Variants in EPHA3 observed in about 807,000 individuals in gnomAD.
EPHA3 encodes EPH receptor A3, also known as ephrin type-A receptor 3.
A neutral mutation model predicts 107.1 loss-of-function variants in EPHA3; 42 were observed. The observed-to-expected ratio is 0.39, with a 90% CI of 0.31 to 0.51. EPHA3 has a LOEUF of 0.51. EPHA3 is among the 20% of genes least tolerant of loss of function. The pLI, the probability that EPHA3 is intolerant of heterozygous loss-of-function variation, is 0.78. For synonymous variants in EPHA3, 461 were observed against 424.8 expected, an observed-to-expected ratio of 1.09 and a Z score of -1.05; for missense variants, 1,183 against 1,211.2, an observed-to-expected ratio of 0.98 and a Z score of 0.35.
At chr3:89,420,743 G>A (rs1709337392) in intron 11 of EPHA3, among the ~76,000 whole-genome samples, 1 of 151,240 alleles carries the variant, frequency 6.6e-6, no homozygotes, top group African/African-American at 2.4e-5. Context: ...GCCATTTAAT[G>A]TTCTCCATTA....
Position 89,438,776 on chromosome 3 carries a change from A to G in EPHA3, c.2346+7417A>G, listed in dbSNP as rs754283090. ...GCCTCCCCTTATGATCAATATGAAT[A>G]TGCCTGCATGTAGCATCAGAAAATA... On this transcript the variant is annotated intron_variant, in intron 13 of 16. Coordinates refer to ENST00000336596, the MANE Select transcript of EPHA3 (RefSeq NM_005233.6). 3.5e-4 allele frequency among the ~76,000 whole-genome samples: 54 copies of G among 152,356 alleles called. 1 individual carries two copies. Among genetic ancestry groups the G allele is most frequent in the South Asian group, 1.0e-3 (5 of 4,834 alleles).
At chr3:89,273,149 A>T (rs1705720174) in intron 3 of EPHA3, among the ~76,000 whole-genome samples, 1 of 151,926 alleles carries the variant, frequency 6.6e-6, no homozygotes, top group Non-Finnish European at 1.5e-5. Flanking sequence ...TTGATTTCTT[A>T]TTCCAACTGC....
chr3:89,437,874 G>A (rs1042423282), intron 13 of EPHA3, among the ~76,000 whole-genome samples: 10 of 152,212 alleles, frequency 6.6e-5, no homozygotes, highest in Non-Finnish European at 1.0e-4. Context: ...GAGTTGGAAA[G>A]TTTGAGAAAA....
At chr3:89,147,603 C>T (rs552684327) in intron 2 of EPHA3, among the ~76,000 whole-genome samples, 35 of 151,846 alleles carry the variant, frequency 2.3e-4, no homozygotes, top group East Asian at 9.8e-4. Flanking sequence ...TTCAATTGAC[C>T]GCAATCAGTT....
intron 3 of EPHA3, among the ~76,000 whole-genome samples, chr3:89,292,119 T>C (rs1301826316): frequency 4.6e-5 from 7 of 152,102 alleles, no homozygotes; most frequent in Non-Finnish European, 7.4e-5. Context: ...AAGATAAAGA[T>C]CATTTTACTG....
intron 3 of EPHA3, among the ~76,000 whole-genome samples, chr3:89,252,395 T>C (rs1293869192): frequency 6.6e-6 from 1 of 152,166 alleles, no homozygotes; most frequent in Non-Finnish European, 1.5e-5. Context: ...ATAGATTTGG[T>C]ATAAAAACAA....
intron 3 of EPHA3, among the ~76,000 whole-genome samples, chr3:89,304,243 A>T (rs1411027285): frequency 2.6e-5 from 4 of 152,018 alleles, no homozygotes; most frequent in African/African-American, 9.7e-5. Flanking sequence ...GTCCAGTATG[A>T]ACTGTATTTC....
chr3:89,242,650 G>A (rs1164662878), intron 3 of EPHA3, among the ~76,000 whole-genome samples: 1 of 152,044 alleles, frequency 6.6e-6, no homozygotes, highest in African/African-American at 2.4e-5. Context: ...TGTTAGCCAG[G>A]ATGGTCTCGA....
intron 3 of EPHA3, among the ~76,000 whole-genome samples, chr3:89,314,110 T>C (rs1467689109): frequency 6.6e-6 from 1 of 152,050 alleles, no homozygotes; most frequent in African/African-American, 2.4e-5. Context: ...GCTGCTATCA[T>C]GGAATTTTTC....
chr3:89,449,709 A>G (rs1406361755), intron 14 of EPHA3, among the ~76,000 whole-genome samples: 1 of 152,192 alleles, frequency 6.6e-6, no homozygotes, highest in African/African-American at 2.4e-5. Context: ...AAAAGTACTA[A>G]TGAACTAATA....
At chr3:89,389,492 A>G (rs1708683850) in intron 5 of EPHA3, among the ~76,000 whole-genome samples, 1 of 152,212 alleles carries the variant, frequency 6.6e-6, no homozygotes, top group African/African-American at 2.4e-5. Context: ...AACTTGTCCA[A>G]TCTCTAAATC....
At chr3:89,453,337 G>T (rs891959443) in intron 15 of EPHA3, among the ~76,000 whole-genome samples, 8 of 152,100 alleles carry the variant, frequency 5.3e-5, no homozygotes, top group African/African-American at 1.9e-4. Flanking sequence ...CTTACTATCA[G>T]ATCATAATAT....
chr3:89,384,752 A>T (rs1163115374), intron 5 of EPHA3, among the ~76,000 whole-genome samples: 1 of 152,204 alleles, frequency 6.6e-6, no homozygotes, highest in African/African-American at 2.4e-5. Context: ...GCTTCATATG[A>T]TATATGTAAA....
chr3:89,289,259 A>G (rs1706158810), intron 3 of EPHA3, among the ~76,000 whole-genome samples: 1 of 152,102 alleles, frequency 6.6e-6, no homozygotes, highest in Non-Finnish European at 1.5e-5. Context: ...CAGCTAGCAG[A>G]GAGAAGCTGA....
intron 11 of EPHA3, among the ~76,000 whole-genome samples, chr3:89,421,992 G>A (rs958510875): frequency 2.7e-5 from 4 of 150,934 alleles, no homozygotes; most frequent in Non-Finnish European, 4.4e-5. Flanking sequence ...TATCTCCCTG[G>A]TCAAATAAGC....
intron 10 of EPHA3, among the ~76,000 whole-genome samples, chr3:89,418,478 C>CA (rs767716125): frequency 1.3e-5 from 2 of 151,242 alleles, no homozygotes; most frequent in Non-Finnish European, 3.0e-5. Context: ...AGTTTTATAT[C>CA]AACTGGACTA....
chr3:89,297,625 A>T (rs1576296531), intron 3 of EPHA3, among the ~76,000 whole-genome samples: 1 of 152,308 alleles, frequency 6.6e-6, no homozygotes, highest in East Asian at 1.9e-4. Context: ...AGAAACATGA[A>T]GTGAGCAGAT....
intron 3 of EPHA3, among the ~76,000 whole-genome samples, chr3:89,331,355 C>T (rs1378591563): frequency 6.6e-6 from 1 of 152,060 alleles, no homozygotes. Flanking sequence ...TTTATCCTGC[C>T]TTTTTCCTGT....
chr3:89,233,627 G>A (rs1445363961), intron 3 of EPHA3, among the ~76,000 whole-genome samples: 5 of 151,962 alleles, frequency 3.3e-5, no homozygotes, highest in Non-Finnish European at 7.4e-5. Context: ...AAATTATATC[G>A]GTTCCTCAAT....
Sources: allele counts gnomAD v4.1 joint callset (sites outside exome capture counted in the v4.1 genomes callset), GRCh38; gene constraint gnomAD v4.1.1; transcripts MANE v1.5; gene names NCBI Gene and HGNC (gene_info 2026-07-23, HGNC 2026-07-21).